The following KANSL1 variants were observed in gnomAD, a reference collection of about 807,000 sequenced individuals.
The protein encoded by KANSL1 is MLL1/MLL complex subunit KANSL1.
A neutral mutation model predicts 103.6 loss-of-function variants in KANSL1; 22 were observed. The ratio of observed to expected loss-of-function variants is 0.21; its 90% CI spans 0.15 to 0.30. KANSL1 has a LOEUF of 0.30. Ranked by LOEUF, KANSL1 falls within the 10% of genes least tolerant of loss-of-function variation. KANSL1 has a pLI of 1.00. For missense variants in KANSL1, 1,337 were observed against 1,399.8 expected, an observed-to-expected ratio of 0.96 and a Z score of 0.72; for synonymous variants, 600 against 527.6, an observed-to-expected ratio of 1.14 and a Z score of -1.88.
chr17:46,059,647 A>AAAGAGAG lies in KANSL1; in HGVS notation c.1848+6889_1848+6890insCTCTCTT, dbSNP rs541946204. On this transcript the variant is annotated intron_variant, in intron 6 of 14. Coordinates refer to ENST00000432791, the MANE Select transcript of KANSL1 (RefSeq NM_015443.4). ...TGACTCCAAAAAAAAAAAAAAAAAA[A>AAAGAGAG]AGAGAGAGAGAGAGAGAGAAAAGGA... 2.6e-3 allele frequency among the ~76,000 whole-genome samples: 142 copies of AAAGAGAG among 54,862 alleles called. 1 individual carries two copies. The highest frequency in any genetic ancestry group is 8.8e-3 in the African/African-American group (131 of 14,864). The allele number at this position is 54,862 out of a possible 152,430, so 36.0% of individuals were successfully genotyped here.
intron 1 of KANSL1, among the ~76,000 whole-genome samples, chr17:46,181,476 C>T (rs1297412149): frequency 6.6e-6 from 1 of 152,144 alleles, no homozygotes; most frequent in Non-Finnish European, 1.5e-5. Context: ...GTCCCCCAGG[C>T]TGGAGTGCGA....
intron 4 of KANSL1, among the ~76,000 whole-genome samples, chr17:46,072,882 T>C (rs545876886): frequency 3.3e-5 from 5 of 152,306 alleles, no homozygotes; most frequent in African/African-American, 9.6e-5. Flanking sequence ...AGATTTATGT[T>C]TACCAACACT....
chr17:46,112,482 C>T (rs150194807), intron 2 of KANSL1, among the ~76,000 whole-genome samples: 8,191 of 150,420 alleles, frequency 0.054, 743 homozygotes, highest in African/African-American at 0.19. Flanking sequence ...GTCAGGAATT[C>T]GAGACCGGCG....
At chr17:46,105,547 C>A (rs1236801710) in intron 2 of KANSL1, among the ~76,000 whole-genome samples, 7 of 152,166 alleles carry the variant, frequency 4.6e-5, no homozygotes, top group African/African-American at 1.7e-4. Context: ...ACCCTAGAGA[C>A]AGACGCTGCA....
At position 46,030,735 on chromosome 17, in the gene KANSL1, G is replaced by A. The variant is rs1208363443; in HGVS notation, c.*741C>T. The A allele has an allele frequency of 6.6e-6, 1 of 152,220 alleles. No individual in the cohort carries two copies. The highest frequency in any genetic ancestry group is 1.5e-5 in the Non-Finnish European group (1 of 68,134). 9.4% of individuals were successfully genotyped at this position (152,220 alleles called of 1,614,324 possible). On this transcript the variant is annotated 3_prime_UTR_variant, in exon 15 of 15. Coordinates refer to ENST00000432791, the MANE Select transcript of KANSL1 (RefSeq NM_015443.4). ...GTAAAAATATTCCAAGTGGAAGGAC[G>A]GGTTGTGGGTGTGTACATGGCATGG...
At chr17:46,200,930 A>T (rs1232060433) in intron 1 of KANSL1, among the ~76,000 whole-genome samples, 5 of 151,296 alleles carry the variant, frequency 3.3e-5, no homozygotes, top group Non-Finnish European at 5.9e-5. Context: ...TTTGAGACAC[A>T]GTCTCACTCT....
chr17:46,206,692 G>A (rs1050497169), intron 1 of KANSL1, among the ~76,000 whole-genome samples: 21 of 152,088 alleles, frequency 1.4e-4, no homozygotes, highest in African/African-American at 4.6e-4. Flanking sequence ...ATTTAAACAC[G>A]GATTATAGAC....
In KANSL1 at chr17:46,032,148, G is replaced by A; in HGVS notation, c.2989C>T (p.Leu997=). The A allele has an allele frequency of 6.2e-7, 1 of 1,614,098 alleles. No individual in the cohort carries two copies. Among genetic ancestry groups the A allele is most frequent in the African/African-American group, 1.3e-5 (1 of 75,026 alleles). Residue 997 remains leucine (L), a synonymous_variant, in exon 14 of 15, where the codon CTG becomes TTG. Coordinates refer to ENST00000432791, the MANE Select transcript of KANSL1 (RefSeq NM_015443.4). ...QSPRSPISPE[L]HSAPLTPVAR... ...ACAGGGGTGAGGGGTGCTGAGTGCA[G>A]TTCCGGGCTAATGGGGCTCCTAGGG...
rs376501501 is a variant in KANSL1 at position 46,099,333 on chromosome 17, A to C, written c.1290-4632T>G. Among the ~76,000 whole-genome samples, 927 of 112,766 alleles carry C rather than the reference A, an allele frequency of 8.2e-3. 70 individuals carry two copies. Among genetic ancestry groups the C allele is most frequent in the South Asian group, 0.036 (150 of 4,144 alleles). The allele number at this position is 112,766 out of a possible 152,430, so 74.0% of individuals were successfully genotyped here. ...AGCGAGACTCCGTCTCAAAAAAAAA[A>C]AAAACAAAACAAAAAAAAAACAAAT... On this transcript the variant is annotated intron_variant, in intron 2 of 14. Coordinates refer to ENST00000432791, the MANE Select transcript of KANSL1 (RefSeq NM_015443.4).
intron 2 of KANSL1, among the ~76,000 whole-genome samples, chr17:46,102,217 A>T (rs1405020662): frequency 1.3e-5 from 2 of 152,132 alleles, no homozygotes; most frequent in African/African-American, 2.4e-5. Context: ...CTTTCTACAG[A>T]TATCTGTAGT....
At chr17:46,212,681 G>A (rs2668665) in intron 1 of KANSL1, among the ~76,000 whole-genome samples, 21,950 of 152,028 alleles carry the variant, frequency 0.14, 2,136 homozygotes, top group Non-Finnish European at 0.22. Context: ...ATCTTTCTAT[G>A]TATCTTAATT....
In KANSL1 at chr17:46,131,205, C is replaced by T. The variant is rs149870911; in HGVS notation, c.1290-36504G>A. Reference sequence around the variant, plus strand: ...CCTGGTTTTTACATTTATTTAAGTCCCTTCTACAATGAATAAAAATGGTTG... The same window carrying T: ...CCTGGTTTTTACATTTATTTAAGTCTCTTCTACAATGAATAAAAATGGTTG... On this transcript the variant is annotated intron_variant, in intron 2 of 14. Transcript: ENST00000432791. 1.5e-3 allele frequency among the ~76,000 whole-genome samples: 230 copies of T among 152,198 alleles called. 2 individuals are homozygous for T. Among genetic ancestry groups the T allele is most frequent in the Middle Eastern group, 3.4e-3 (1 of 294 alleles).
intron 1 of KANSL1, among the ~76,000 whole-genome samples, chr17:46,179,840 G>A (rs1281138193): frequency 2.0e-5 from 3 of 152,120 alleles, no homozygotes; most frequent in Non-Finnish European, 2.9e-5. Context: ...AGGCTGAGGC[G>A]GGTAGATCAC....
chr17:46,204,010 C>T (rs541863940), intron 1 of KANSL1, among the ~76,000 whole-genome samples: 5 of 151,942 alleles, frequency 3.3e-5, no homozygotes, highest in Admixed American at 2.6e-4. Context: ...CCCTGTCTCA[C>T]GGGTAGGGGA....
chr17:46,114,702 A>C (rs899702836), intron 2 of KANSL1, among the ~76,000 whole-genome samples: 7 of 152,372 alleles, frequency 4.6e-5, no homozygotes, highest in Admixed American at 4.6e-4. Context: ...GCTAATTCGT[A>C]AACTAGATTT....
At chr17:46,042,032 T>G (rs2077344313) in intron 7 of KANSL1, 1 of 151,950 alleles carries the variant, frequency 6.6e-6, no homozygotes, top group Non-Finnish European at 1.5e-5. Context: ...CTCAGCCTCC[T>G]GAGTAGGTGG....
rs181607097 is a variant in KANSL1 at position 46,098,742 on chromosome 17, C to T, written c.1290-4041G>A. On this transcript the variant is annotated intron_variant, in intron 2 of 14. Coordinates refer to ENST00000432791, the MANE Select transcript of KANSL1 (RefSeq NM_015443.4). ...ATCTGTGATGTGATGGTTTAGAACT[C>T]GAAGTGATTTCCAGGAGAAAGTTGT... Among the ~76,000 whole-genome samples the T allele has an allele frequency of 7.2e-5, 11 of 152,320 alleles. No individual in the cohort carries two copies. In the East Asian group the frequency reaches 1.2e-3, roughly 16 times the overall value.
intron 2 of KANSL1, among the ~76,000 whole-genome samples, chr17:46,098,986 A>G (rs974023713): frequency 1.3e-5 from 2 of 152,230 alleles, no homozygotes; most frequent in African/African-American, 4.8e-5. Flanking sequence ...GAGCACCACT[A>G]AACAGTAACA....
At chr17:46,191,547 T>C (rs980977650) in intron 1 of KANSL1, among the ~76,000 whole-genome samples, 3 of 152,258 alleles carry the variant, frequency 2.0e-5, no homozygotes, top group Non-Finnish European at 4.4e-5. Flanking sequence ...CTAGTTTCCA[T>C]ACTTGAAAGG....
Sources: allele counts gnomAD v4.1 joint callset (sites outside exome capture counted in the v4.1 genomes callset), GRCh38; gene constraint gnomAD v4.1.1; transcripts MANE v1.5; gene names NCBI Gene and HGNC (gene_info 2026-07-23, HGNC 2026-07-21).